LHPP: variants seen among roughly 807,000 people sequenced by gnomAD.
LHPP encodes phospholysine phosphohistidine inorganic pyrophosphate phosphatase, also known as hLHPP.
A neutral mutation model predicts 30.3 loss-of-function variants in LHPP; 24 were observed. The ratio of observed to expected loss-of-function variants is 0.79; its 90% CI spans 0.57 to 1.11. The LOEUF (loss-of-function observed/expected upper bound fraction) is 1.11, where lower values mean the gene tolerates loss of function less well. Among genes scored for constraint, LHPP ranks in the 50% most tolerant of loss-of-function variants. LHPP has a pLI of 0.00. For missense variants in LHPP, 356 were observed against 367.2 expected (o/e 0.97, Z 0.25); for synonymous variants, 150 against 157.1 (o/e 0.95, Z 0.34).
At position 124,496,894 on chromosome 10, in the gene LHPP, G is replaced by A. The variant is rs961481300; in HGVS notation, c.468-67G>A. 3.4e-6 allele frequency: 5 copies of A among 1,455,982 alleles called. No homozygotes were observed. The African/African-American group carries it at 4.2e-5, about 12-fold the overall frequency. 90.2% of individuals were successfully genotyped at this position (1,455,982 alleles called of 1,614,324 possible). On this transcript the variant is annotated intron_variant, in intron 3 of 6. Coordinates refer to ENST00000368842, the MANE Select transcript of LHPP (RefSeq NM_022126.4). The surrounding 1 kb of genome is among the most constrained non-coding windows in gnomAD (Gnocchi z 4.3). ...GGGACAGGCCCGGTGCTCAGCTCCC[G>A]ATACTTAGCATCCTGCGGTCAGCTC...
At chr10:124,612,877 A>C in intron 6 of LHPP, 1 of 220,088 alleles carries the variant, frequency 4.5e-6, no homozygotes. Flanking sequence ...ACGGGGCACT[A>C]GGCCAGGCCA....
intron 3 of LHPP, among the ~76,000 whole-genome samples, chr10:124,491,802 A>G (rs190388312): frequency 1.3e-5 from 2 of 152,270 alleles, no homozygotes; most frequent in Non-Finnish European, 2.9e-5. Context: ...GTGCGTGCCT[A>G]TAGTCCCAGC....
At chr10:124,515,051 C>T (rs561631620) in intron 5 of LHPP, among the ~76,000 whole-genome samples, 86 of 152,308 alleles carry the variant, frequency 5.6e-4, no homozygotes, top group Middle Eastern at 3.4e-3. Flanking sequence ...ATCCTCCCAC[C>T]TCAGCCTTCC....
chr10:124,558,107 G>A (rs530321918), intron 6 of LHPP, among the ~76,000 whole-genome samples: 206 of 152,240 alleles, frequency 1.4e-3, no homozygotes, highest in Middle Eastern at 3.4e-3. Context: ...ACGTGGCTCC[G>A]TTTTCTTGTG....
chr10:124,484,077 C>A, intron 1 of LHPP, 62 bp from the exon 2 acceptor site: 1 of 1,530,730 alleles, frequency 6.5e-7, no homozygotes, highest in Non-Finnish European at 8.9e-7. Flanking sequence ...ACCGCGCAAC[C>A]TCCTTCAGAG....
intron 6 of LHPP, among the ~76,000 whole-genome samples, chr10:124,594,045 G>A (rs1281140061): frequency 1.3e-5 from 2 of 152,190 alleles, no homozygotes; most frequent in East Asian, 3.8e-4. Context: ...CACATTTTAA[G>A]ACAGCATCGG....
At chr10:124,519,837 CT>C (rs1035160186) in intron 6 of LHPP, among the ~76,000 whole-genome samples, 4 of 150,822 alleles carry the variant, frequency 2.7e-5, no homozygotes, top group African/African-American at 9.8e-5. Context: ...TTGTTTCTTT[CT>C]TTTTTTTTCT....
chr10:124,538,043 A>G (rs910179735), intron 6 of LHPP, among the ~76,000 whole-genome samples: 1 of 145,818 alleles, frequency 6.9e-6, no homozygotes, highest in Non-Finnish European at 1.5e-5. Flanking sequence ...TGAGCCTCCC[A>G]CCCCAGGCCC....
chr10:124,483,295 T>G (rs1953200485), intron 1 of LHPP, among the ~76,000 whole-genome samples: 1 of 152,188 alleles, frequency 6.6e-6, no homozygotes, highest in Admixed American at 6.6e-5. Flanking sequence ...TTGTACTTTT[T>G]GGGAAGTATG....
At chr10:124,577,110 G>A (rs1376629467) in intron 6 of LHPP, among the ~76,000 whole-genome samples, 1 of 152,232 alleles carries the variant, frequency 6.6e-6, no homozygotes, top group East Asian at 1.9e-4. Flanking sequence ...AGCTAGGAGA[G>A]CAGAGGCCAG....
At chr10:124,476,043 G>A (rs887893237) in intron 1 of LHPP, among the ~76,000 whole-genome samples, 1 of 152,164 alleles carries the variant, frequency 6.6e-6, no homozygotes, top group Non-Finnish European at 1.5e-5. Context: ...AGGCACTTCA[G>A]AGAACACTCT....
At chr10:124,472,266 T>C (rs1952802322) in intron 1 of LHPP, among the ~76,000 whole-genome samples, 1 of 152,126 alleles carries the variant, frequency 6.6e-6, no homozygotes, top group Admixed American at 6.6e-5. Context: ...TGAGCCAAGA[T>C]TGTGCTACTG....
chr10:124,496,235 C>T lies in LHPP; in HGVS notation c.468-726C>T, dbSNP rs961738845. 2.6e-5 allele frequency among the ~76,000 whole-genome samples: 4 copies of T among 152,204 alleles called. No homozygotes were observed. The highest frequency in any genetic ancestry group is 9.7e-5 in the African/African-American group (4 of 41,446). ...AGTTCAGCCAGAGCCAGGTCTGGCCCACCATGTGTCTGGACTGTGAGTGCC... is the reference window on the plus strand; with the variant it reads ...AGTTCAGCCAGAGCCAGGTCTGGCCTACCATGTGTCTGGACTGTGAGTGCC... On this transcript the variant is annotated intron_variant, in intron 3 of 6. Transcript: ENST00000368842. This position sits in a 1 kb window ranked among gnomAD's most constrained non-coding sequence, Gnocchi z 4.3.
chr10:124,603,380 G>A (rs1215443687), intron 6 of LHPP, among the ~76,000 whole-genome samples: 1 of 152,128 alleles, frequency 6.6e-6, no homozygotes, highest in Non-Finnish European at 1.5e-5. Context: ...TGGGGGACAA[G>A]CACCTGACAG....
intron 6 of LHPP, among the ~76,000 whole-genome samples, chr10:124,602,863 G>A (rs557175753): frequency 1.3e-5 from 2 of 152,354 alleles, no homozygotes; most frequent in South Asian, 4.1e-4. Flanking sequence ...GACGCAGTGC[G>A]CCCCTCTCCT....
intron 6 of LHPP, among the ~76,000 whole-genome samples, chr10:124,548,709 C>A (rs1181174198): frequency 6.6e-6 from 1 of 152,190 alleles, no homozygotes; most frequent in East Asian, 1.9e-4. Context: ...CAGGTAGAGA[C>A]CCTTGCTGGG....
chr10:124,471,685 A>G (rs189406016), intron 1 of LHPP, among the ~76,000 whole-genome samples: 3 of 32,792 alleles, frequency 9.1e-5, no homozygotes, highest in Non-Finnish European at 1.7e-4. Context: ...ATTTGTATAT[A>G]TATTTATGTA....
intron 1 of LHPP, among the ~76,000 whole-genome samples, chr10:124,475,812 G>C (rs537371494): frequency 2.0e-5 from 3 of 152,258 alleles, no homozygotes; most frequent in Admixed American, 6.5e-5. Flanking sequence ...TGGAAGAAAG[G>C]AGCCAGGATC....
chr10:124,604,782 C>G (rs532328724), intron 6 of LHPP, among the ~76,000 whole-genome samples: 2 of 152,242 alleles, frequency 1.3e-5, no homozygotes, highest in Admixed American at 6.5e-5. Context: ...GCACCTGGCT[C>G]CCAGCCACTG....
Sources: allele counts gnomAD v4.1 joint callset (sites outside exome capture counted in the v4.1 genomes callset), GRCh38; gene constraint gnomAD v4.1.1; non-coding constraint Gnocchi (gnomAD v3.1); transcripts MANE v1.5; gene names NCBI Gene and HGNC (gene_info 2026-07-23, HGNC 2026-07-21).